Variants in CACNA1H observed in about 807,000 individuals in gnomAD.
The protein encoded by CACNA1H is voltage-dependent T-type calcium channel subunit alpha-1H.
A neutral mutation model predicts 192.5 loss-of-function variants in CACNA1H; 149 were observed. That is an observed-to-expected ratio of 0.77 (90% CI 0.68 to 0.89). CACNA1H has a LOEUF of 0.89. CACNA1H is among the 40% of genes least tolerant of loss of function. The pLI, the probability that CACNA1H is intolerant of heterozygous loss-of-function variation, is 0.00. For synonymous variants in CACNA1H, 2,202 were observed against 1,475.2 expected, an observed-to-expected ratio of 1.49 and a Z score of -11.29; for missense variants, 4,257 against 3,423.5, an observed-to-expected ratio of 1.24 and a Z score of -6.08.
intron 5 of CACNA1H, among the ~76,000 whole-genome samples, chr16:1,196,433 G>T (rs2141205848): frequency 6.6e-6 from 1 of 152,304 alleles, no homozygotes; most frequent in African/African-American, 2.4e-5. Context: ...TCACCTGGGG[G>T]CTCTGTGAAG....
At chr16:1,169,521 T>C (rs921716789) in intron 2 of CACNA1H, among the ~76,000 whole-genome samples, 2 of 151,962 alleles carry the variant, frequency 1.3e-5, no homozygotes, top group African/African-American at 4.8e-5. Context: ...GTGTCTCGGG[T>C]TCCCCGTGGG....
chr16:1,216,590 G>A (rs1970046321), intron 30 of CACNA1H, among the ~76,000 whole-genome samples: 1 of 152,264 alleles, frequency 6.6e-6, no homozygotes, highest in Admixed American at 6.5e-5. Context: ...GGAAGAGCAT[G>A]CTAGGCCTTG....
In CACNA1H at chr16:1,220,833, G is replaced by C; in HGVS notation, c.6901G>C (p.Val2301Leu). The change falls in exon 35 of 35, where the codon GTG (valine) becomes CTG (leucine). Residue 2301 changes from valine to leucine, a missense_variant. Coordinates refer to ENST00000348261, the MANE Select transcript of CACNA1H (RefSeq NM_021098.3). ...ESRASSSGAI[V>L]PLEPPESEPP... ...CAGAGCTTCCTCTTCAGGGGCCATA[G>C]TGCCCCTGGAACCCCCAGAATCAGA... 6.2e-7 allele frequency: 1 copy of C among 1,612,782 alleles called. No individual in the cohort carries two copies. Among genetic ancestry groups the C allele is most frequent in the Non-Finnish European group, 8.5e-7 (1 of 1,179,772 alleles).
intron 27 of CACNA1H, among the ~76,000 whole-genome samples, chr16:1,214,636 C>T (rs1969848643): frequency 6.6e-6 from 1 of 152,194 alleles, no homozygotes; most frequent in African/African-American, 2.4e-5. Flanking sequence ...GGTGGGAGGT[C>T]AGGACACTGC....
At chr16:1,182,393 C>T (rs1965564245) in intron 2 of CACNA1H, among the ~76,000 whole-genome samples, 1 of 152,180 alleles carries the variant, frequency 6.6e-6, no homozygotes, top group Non-Finnish European at 1.5e-5. Context: ...ATTTCAATCC[C>T]CCAGGTGGTG....
intron 2 of CACNA1H, among the ~76,000 whole-genome samples, chr16:1,194,323 GC>G (rs1966841905): frequency 6.6e-6 from 1 of 152,204 alleles, no homozygotes; most frequent in African/African-American, 2.4e-5. Context: ...CCAAATGCCG[GC>G]TTCTACCTTA....
intron 2 of CACNA1H, among the ~76,000 whole-genome samples, chr16:1,187,409 G>T (rs1966181448): frequency 1.3e-5 from 2 of 152,224 alleles, no homozygotes; most frequent in Admixed American, 6.5e-5. Context: ...GGTCCTGAGT[G>T]GGGGGCTGTG....
At position 1,221,003 on chromosome 16, in the gene CACNA1H, T is replaced by A; in HGVS notation, c.*9T>A. On this transcript the variant is annotated 3_prime_UTR_variant, in exon 35 of 35. Coordinates refer to ENST00000348261, the MANE Select transcript of CACNA1H (RefSeq NM_021098.3). ...CAGATGACCCCGTGTAGCTCGGGGC[T>A]TGGTGCCGCCCACGGCTTTGGCCCT... 2 of 1,555,724 alleles carry A rather than the reference T, an allele frequency of 1.3e-6. No individual in the cohort carries two copies. The highest frequency in any genetic ancestry group is 1.7e-6 in the Non-Finnish European group (2 of 1,154,380).
At chr16:1,183,769 C>T (rs1965710594) in intron 2 of CACNA1H, among the ~76,000 whole-genome samples, 1 of 152,278 alleles carries the variant, frequency 6.6e-6, no homozygotes, top group South Asian at 2.1e-4. Context: ...CATGCGTATA[C>T]ACGGGTGAGC....
chr16:1,201,800 C>A lies in CACNA1H; in HGVS notation c.1350C>A (p.Phe450Leu). 1.3e-6 allele frequency: 2 copies of A among 1,593,894 alleles called. No individual in the cohort carries two copies. The highest frequency in any genetic ancestry group is 8.5e-7 in the Non-Finnish European group (1 of 1,171,374). The change falls in exon 9 of 35, where the codon TTC becomes TTA. Residue 450 changes from phenylalanine (F) to leucine (L), a missense_variant. Phe to Leu is a conservative substitution (Grantham distance 22). Coordinates refer to ENST00000348261, the MANE Select transcript of CACNA1H (RefSeq NM_021098.3). ...HLSNDSTLAS[F>L]SEPGSCYEEL... ...CCAACGACAGCACGCTGGCCAGCTT[C>A]TCCGAGCCTGGCAGCTGCTACGAAG...
In CACNA1H at chr16:1,205,186, C is replaced by G; in HGVS notation, c.2524C>G (p.Leu842Val). The G allele has an allele frequency of 6.2e-7, 1 of 1,613,134 alleles. No homozygotes were observed. Among genetic ancestry groups the G allele is most frequent in the Non-Finnish European group, 8.5e-7 (1 of 1,179,766 alleles). ...CAGCATGTTTGCCCTGGAGATGCTG[C>G]TGAAGCTGCTGGCCTGCGGCCCTCT... ...FTSMFALEML[L>V]KLLACGPLGY... The change falls in exon 11 of 35, where the codon CTG (leucine) becomes GTG (valine). Residue 842 changes from leucine to valine, a missense_variant. By Grantham distance (32) the Leu-to-Val change is conservative. Coordinates refer to ENST00000348261, the MANE Select transcript of CACNA1H (RefSeq NM_021098.3).
chr16:1,206,904 G>GCCCCCCCCCCCCCCCCCCCCCCCCCCCCC, intron 12 of CACNA1H, 97 bp from the exon 13 acceptor site: 11 of 293,806 alleles, frequency 3.7e-5, no homozygotes, highest in South Asian at 8.1e-5. Flanking sequence ...AGCCAGTCCT[G>GCCCCCCCCCCCCCCCCCCCCCCCCCCCCC]CCCCTCCCTC....
rs770827490 is a variant in CACNA1H at position 1,206,127 on chromosome 16, C to A, written c.2627C>A (p.Ala876Glu). ...AGCGTCTGGGAGATCGTGGGGCAGG[C>A]GGACGGTGGCTTGTCTGTGCTGCGC... ...VISVWEIVGQ[A>E]DGGLSVLRTF... Residue 876 changes from alanine to glutamate, a missense_variant, in exon 12 of 35, where the codon GCG (alanine) becomes GAG (glutamate). Transcript: ENST00000348261. 6.3e-7 allele frequency: 1 copy of A among 1,583,542 alleles called. No individual in the cohort carries two copies. Among genetic ancestry groups the A allele is most frequent in the Non-Finnish European group, 8.6e-7 (1 of 1,167,740 alleles).
rs779986751 is a variant in CACNA1H at position 1,211,541 on chromosome 16, G to A, written c.4411G>A (p.Ala1471Thr). 15 of 1,612,324 alleles carry A rather than the reference G, an allele frequency of 9.3e-6. No homozygotes were observed. The highest frequency in any genetic ancestry group is 1.3e-5 in the Non-Finnish European group (15 of 1,179,718). ...CGACACCAGGAACATCTCCACCAAGGCACAGTGCCGGGCCGCCCACTACCG... is the reference window on the plus strand; with the variant it reads ...CGACACCAGGAACATCTCCACCAAGACACAGTGCCGGGCCGCCCACTACCG... Reference protein sequence around the residue: ...GPDTRNISTKAQCRAAHYRWV... With the variant: ...GPDTRNISTKTQCRAAHYRWV... The change falls in exon 23 of 35, where the codon GCA (alanine) becomes ACA (threonine). Residue 1471 changes from alanine (A) to threonine (T), a missense_variant. Transcript: ENST00000348261.
In CACNA1H at chr16:1,220,595, G is replaced by C; in HGVS notation, c.6663G>C (p.Pro2221=). The change falls in exon 35 of 35, where the codon CCG becomes CCC. Residue 2221 remains proline, a synonymous_variant. Coordinates refer to ENST00000348261, the MANE Select transcript of CACNA1H (RefSeq NM_021098.3). The part of the protein sequence containing the change: ...GGSTTLRRRT[P]SCEATPHRDS... ...GCACCACACTGAGGCGCAGGACCCCGTCCTGTGAGGCCACGCCTCACAGGG... is the reference window on the plus strand; with the variant it reads ...GCACCACACTGAGGCGCAGGACCCCCTCCTGTGAGGCCACGCCTCACAGGG... 1 of 1,555,060 alleles carries C rather than the reference G, an allele frequency of 6.4e-7. No homozygotes were observed. Among genetic ancestry groups the C allele is most frequent in the Non-Finnish European group, 8.6e-7 (1 of 1,157,010 alleles).
Position 1,182,912 on chromosome 16 carries a change from A to G in CACNA1H, c.300-12060A>G, listed in dbSNP as rs571352237. Among the ~76,000 whole-genome samples, 5 of 152,162 alleles carry G rather than the reference A, an allele frequency of 3.3e-5. No homozygotes were observed. The South Asian group carries it at 6.2e-4, about 19-fold the overall frequency. Reference sequence around the variant, plus strand: ...CCTGGGCCCAACCTGAGAGCTCCCCAGGTCAGGAGTCGGCCACAGGGTCCA... The same window carrying G: ...CCTGGGCCCAACCTGAGAGCTCCCCGGGTCAGGAGTCGGCCACAGGGTCCA... On this transcript the variant is annotated intron_variant, in intron 2 of 34. Coordinates refer to ENST00000348261, the MANE Select transcript of CACNA1H (RefSeq NM_021098.3).
chr16:1,163,285 C>T (rs7190767), intron 2 of CACNA1H, among the ~76,000 whole-genome samples: 2,872 of 152,312 alleles, frequency 0.019, 83 homozygotes, highest in African/African-American at 0.064. Context: ...AGGTGGGTGT[C>T]GGGCGTTGAG....
In CACNA1H at chr16:1,217,998, G is replaced by C. The variant is rs751771537; in HGVS notation, c.5403G>C (p.Leu1801=). The C allele has an allele frequency of 6.2e-7, 1 of 1,602,574 alleles. No homozygotes were observed. Residue 1801 remains leucine, a synonymous_variant, in exon 32 of 35, where the codon CTG becomes CTC. Coordinates refer to ENST00000348261, the MANE Select transcript of CACNA1H (RefSeq NM_021098.3). ...ACTTCGGCATGGCCTTCCTCACGCT[G>C]TTCCGCGTGTCCACGGGGGACAACT... ...FSNFGMAFLT[L]FRVSTGDNWN...
rs1968400974 is a variant in CACNA1H at position 1,204,435 on chromosome 16, A to G, written c.2428A>G (p.Met810Val). The stretch of plus-strand genomic sequence containing the variant: ...GGCCATCCTTGTCAACACGCTGAGC[A>G]TGGGCGTGGAGTACCATGAGCAGGT... ...MMAILVNTLS[M>V]GVEYHEQPEE... Residue 810 changes from methionine to valine, a missense_variant, in exon 10 of 35, where the codon ATG becomes GTG. Coordinates refer to ENST00000348261, the MANE Select transcript of CACNA1H (RefSeq NM_021098.3). 6 of 1,544,626 alleles carry G rather than the reference A, an allele frequency of 3.9e-6. No individual in the cohort carries two copies. Among genetic ancestry groups the G allele is most frequent in the African/African-American group, 1.4e-5 (1 of 73,254 alleles).
Sources: gnomAD v4.1 joint callset for allele counts (sites outside exome capture counted in the v4.1 genomes callset) on GRCh38, gnomAD v4.1.1 for gene constraint, MANE v1.5 for transcripts, NCBI Gene and HGNC (gene_info 2026-07-23, HGNC 2026-07-21) for gene names.